The following ATP10D variants were observed in gnomAD, a reference collection of about 807,000 sequenced individuals.
ATP10D encodes the protein ATPase phospholipid transporting 10D (putative).
ATP10D carries 89 observed loss-of-function variants against 144.8 expected under a neutral mutation model. The ratio of observed to expected loss-of-function variants is 0.61; its 90% CI spans 0.52 to 0.73. The LOEUF is 0.73. ATP10D is among the 30% of genes least tolerant of loss of function. The pLI is 0.00. For missense variants in ATP10D, 1,603 were observed against 1,714.8 expected, an observed-to-expected ratio of 0.93 and a Z score of 1.15; for synonymous variants, 571 against 615.1, an observed-to-expected ratio of 0.93 and a Z score of 1.06.
At chr4:47,499,091 TTTTGTG>T (rs1200725009) in intron 1 of ATP10D, among the ~76,000 whole-genome samples, 10 of 152,358 alleles carry the variant, frequency 6.6e-5, no homozygotes, top group African/African-American at 2.4e-4. Context: ...GCTCTTACCA[TTTTGTG>T]GTCTGAAGCT....
chr4:47,560,841 G>T (rs997665134), intron 13 of ATP10D, 108 bp from the exon 14 acceptor site: 1 of 1,365,570 alleles, frequency 7.3e-7, no homozygotes, highest in Admixed American at 1.7e-5. Flanking sequence ...CCAGAGGGAG[G>T]AATATGTAAA....
intron 18 of ATP10D, 94 bp from the exon 19 acceptor site, chr4:47,576,679 A>G: frequency 1.7e-6 from 2 of 1,154,318 alleles, no homozygotes; most frequent in South Asian, 1.4e-5. Context: ...AGAGAGGCTG[A>G]GGTCACCCAG....
At chr4:47,562,388 G>T (rs1178428937) in intron 14 of ATP10D, among the ~76,000 whole-genome samples, 3 of 152,062 alleles carry the variant, frequency 2.0e-5, no homozygotes, top group Non-Finnish European at 4.4e-5. Context: ...GACATGAACA[G>T]ACATTTTTCT....
intron 10 of ATP10D, among the ~76,000 whole-genome samples, chr4:47,553,488 G>A (rs1488183915): frequency 6.6e-6 from 1 of 152,242 alleles, no homozygotes; most frequent in Non-Finnish European, 1.5e-5. Flanking sequence ...CTGTCTGAAG[G>A]TGAGTGTGTC....
At chr4:47,488,445 AT>A (rs1356185283) in intron 1 of ATP10D, among the ~76,000 whole-genome samples, 2 of 152,032 alleles carry the variant, frequency 1.3e-5, no homozygotes, top group Non-Finnish European at 2.9e-5. Flanking sequence ...ATCCATTAAA[AT>A]ATCATATTTC....
rs779419965 is a variant in ATP10D, at chr4:47,563,785, A to G, written c.2853+20A>G. ...AGTAAAGTGCGTATATTGAGATTAAATCTGTTCTTCTGTATTTTCAAAGGC... is the reference window on the plus strand; with the variant it reads ...AGTAAAGTGCGTATATTGAGATTAAGTCTGTTCTTCTGTATTTTCAAAGGC... On this transcript the variant is annotated intron_variant, in intron 15 of 22. Transcript: ENST00000273859. The G allele has an allele frequency of 1.3e-6, 2 of 1,525,872 alleles. No homozygotes were observed. Among genetic ancestry groups the G allele is most frequent in the South Asian group, 2.6e-5 (2 of 77,492 alleles). 94.5% of individuals were successfully genotyped at this position (1,525,872 alleles called of 1,614,324 possible).
At chr4:47,570,143 A>G (rs1231031929) in intron 16 of ATP10D, among the ~76,000 whole-genome samples, 1 of 152,196 alleles carries the variant, frequency 6.6e-6, no homozygotes, top group Non-Finnish European at 1.5e-5. Flanking sequence ...ATCAGTTGGA[A>G]TAATTCAGCA....
chr4:47,515,734 A>T (rs1018778244), intron 3 of ATP10D, 64 bp downstream of exon 3: 4 of 1,336,352 alleles, frequency 3.0e-6, no homozygotes, highest in Non-Finnish European at 4.2e-6. Context: ...GCAGAATGTT[A>T]CTTTTTTCTC....
At position 47,572,940 on chromosome 4, in the gene ATP10D, A is replaced by T. The variant is rs1720039960; in HGVS notation, c.3309A>T (p.Gly1103=). The T allele has an allele frequency of 6.2e-7, 1 of 1,613,908 alleles. No homozygotes were observed. The highest frequency in any genetic ancestry group is 8.5e-7 in the Non-Finnish European group (1 of 1,179,946). Residue 1103 remains glycine, a synonymous_variant, in exon 18 of 23, where the codon GGA becomes GGT. Coordinates refer to ENST00000273859, the MANE Select transcript of ATP10D (RefSeq NM_020453.4). ...KHLSKLLLVH[G]HWCYTRLSNM... is the part of the protein sequence containing the mutation. ...TCAGCAAGCTCCTTCTTGTCCATGG[A>T]CACTGGTGTTATACACGGCTTTCCA...
intron 19 of ATP10D, among the ~76,000 whole-genome samples, chr4:47,578,968 A>G (rs1720374501): frequency 6.6e-6 from 1 of 152,236 alleles, no homozygotes; most frequent in Non-Finnish European, 1.5e-5. Flanking sequence ...ATTTTCAAGG[A>G]AGTTTCAGCC....
At chr4:47,491,729 T>G (rs561910079) in intron 1 of ATP10D, among the ~76,000 whole-genome samples, 4 of 152,272 alleles carry the variant, frequency 2.6e-5, no homozygotes, top group Admixed American at 6.5e-5. Context: ...CCTCCTTGCC[T>G]TTTCTAAAAT....
intron 22 of ATP10D, among the ~76,000 whole-genome samples, chr4:47,587,916 C>T (rs1242395956): frequency 1.3e-5 from 2 of 152,172 alleles, no homozygotes; most frequent in African/African-American, 4.8e-5. Context: ...GCCCTGCTTG[C>T]CCCTGTATAC....
intron 1 of ATP10D, among the ~76,000 whole-genome samples, chr4:47,510,153 C>T (rs975518772): frequency 5.3e-5 from 8 of 151,988 alleles, no homozygotes; most frequent in Non-Finnish European, 1.0e-4. Context: ...TGTTAATTAC[C>T]TCCAAGCCTA....
intron 5 of ATP10D, among the ~76,000 whole-genome samples, chr4:47,530,314 G>T (rs913306600): frequency 2.0e-5 from 3 of 151,988 alleles, no homozygotes; most frequent in African/African-American, 4.8e-5. Context: ...TTGTTATTTT[G>T]AGGTTTGTTC....
chr4:47,559,164 T>C, intron 13 of ATP10D, 135 bp downstream of exon 13: 1 of 622,758 alleles, frequency 1.6e-6, no homozygotes, highest in Non-Finnish European at 2.8e-6. Context: ...CTTTTTACCT[T>C]CTCTATTCCA....
Position 47,511,963 on chromosome 4 carries a change from C to T in ATP10D, c.-37-541C>T, listed in dbSNP as rs149007868. Among the ~76,000 whole-genome samples, 1,318 of 152,330 alleles carry T rather than the reference C, an allele frequency of 8.7e-3. 22 individuals carry two copies. Among genetic ancestry groups the T allele is most frequent in the Admixed American group, 0.037 (573 of 15,302 alleles). On this transcript the variant is annotated intron_variant, in intron 1 of 22. Coordinates refer to ENST00000273859, the MANE Select transcript of ATP10D (RefSeq NM_020453.4). ...TAGTGTTACATTAGCTGAAGCAAGGCACATGGCCAAGCCCAGACACCACAG... is the reference window on the plus strand; with the variant it reads ...TAGTGTTACATTAGCTGAAGCAAGGTACATGGCCAAGCCCAGACACCACAG...
At chr4:47,532,185 A>G (rs1717604436) in intron 5 of ATP10D, among the ~76,000 whole-genome samples, 1 of 152,044 alleles carries the variant, frequency 6.6e-6, no homozygotes, top group South Asian at 2.1e-4. Context: ...CCCTTTGGAT[A>G]TGGTTCTTCT....
At chr4:47,555,577 G>T (rs139979636) in intron 11 of ATP10D, among the ~76,000 whole-genome samples, 1 of 152,042 alleles carries the variant, frequency 6.6e-6, no homozygotes, top group African/African-American at 2.4e-5. Context: ...AATACAGCTC[G>T]GTGCTACTAT....
rs1417647483 is a variant in ATP10D, at chr4:47,574,465, G to A, written c.3366+1468G>A. ...TTATCTTTCTGAGACCATGGTTCTT[G>A]GATGTTGGACAACCTTTGAGGTGCC... is the stretch of plus-strand genomic sequence containing the variant. On this transcript the variant is annotated intron_variant, in intron 18 of 22. Transcript: ENST00000273859. 7.9e-5 allele frequency among the ~76,000 whole-genome samples: 12 copies of A among 152,326 alleles called. No individual in the cohort carries two copies. In the East Asian group the frequency reaches 2.3e-3, roughly 29 times the overall value.
Sources: gnomAD v4.1 joint callset for allele counts (sites outside exome capture counted in the v4.1 genomes callset) on GRCh38, gnomAD v4.1.1 for gene constraint, MANE v1.5 for transcripts, NCBI Gene and HGNC (gene_info 2026-07-23, HGNC 2026-07-21) for gene names.